INPP5A: variants seen among roughly 807,000 people sequenced by gnomAD.
INPP5A encodes inositol polyphosphate-5-phosphatase A, also known as 43 kDa inositol polyphosphate 5-phophatase.
INPP5A carries 14 observed loss-of-function variants against 65.2 expected under a neutral mutation model. The observed-to-expected ratio is 0.21, with a 90% CI of 0.14 to 0.34. INPP5A has a LOEUF of 0.34. Among genes scored for constraint, INPP5A ranks in the 10% least tolerant of loss-of-function variants. The pLI, the probability that INPP5A is intolerant of heterozygous loss-of-function variation, is 1.00. For missense variants in INPP5A, 431 were observed against 545.6 expected (o/e 0.79, Z 2.09); for synonymous variants, 207 against 208.3 (o/e 0.99, Z 0.05).
In INPP5A at chr10:132,756,305, GTGTA is replaced by G. The variant is rs1285298415; in HGVS notation, c.903+6464_903+6467del. Among the ~76,000 whole-genome samples, 8 of 152,250 alleles carry G rather than the reference GTGTA, an allele frequency of 5.3e-5. No homozygotes were observed. The South Asian group carries it at 1.2e-3, about 24-fold the overall frequency. On this transcript the variant is annotated intron_variant, in intron 11 of 15. Transcript: ENST00000368594. ...GTGTGCATGTGCACTAGTGTGTGTG[GTGTA>G]TGTGTGTATGCATGTGTGCACTCGT... is the stretch of plus-strand genomic sequence containing the variant.
chr10:132,710,168 C>T (rs1316628175), intron 7 of INPP5A, among the ~76,000 whole-genome samples, 169 bp from the exon 8 acceptor site: 2 of 152,252 alleles, frequency 1.3e-5, no homozygotes, highest in African/African-American at 2.4e-5. Context: ...GGTTTCCTGA[C>T]CTCTGGCCTT....
chr10:132,742,247 C>G (rs962660050), intron 9 of INPP5A, among the ~76,000 whole-genome samples: 1 of 152,228 alleles, frequency 6.6e-6, no homozygotes, highest in Non-Finnish European at 1.5e-5. Context: ...AGTCCCACCC[C>G]AAGAACACAC....
chr10:132,553,765 G>A (rs1339000855), intron 1 of INPP5A, among the ~76,000 whole-genome samples: 3 of 147,990 alleles, frequency 2.0e-5, no homozygotes, highest in Non-Finnish European at 4.5e-5. Context: ...GGAATATTGA[G>A]TAGGATAGGG....
At chr10:132,730,607 G>T (rs1846067502) in intron 9 of INPP5A, among the ~76,000 whole-genome samples, 2 of 152,224 alleles carry the variant, frequency 1.3e-5, no homozygotes, top group South Asian at 4.1e-4. Flanking sequence ...CGTCAGAGGT[G>T]ACTATAAGTC....
chr10:132,548,743 C>T (rs751855050), intron 1 of INPP5A, among the ~76,000 whole-genome samples: 5 of 147,420 alleles, frequency 3.4e-5, no homozygotes, highest in African/African-American at 7.5e-5. Context: ...CATAACGCAG[C>T]GTTTCAAGGT....
At chr10:132,763,661 C>A (rs1846775177) in intron 11 of INPP5A, among the ~76,000 whole-genome samples, 2 of 149,662 alleles carry the variant, frequency 1.3e-5, no homozygotes, top group East Asian at 2.0e-4. Context: ...ACACACATGC[C>A]TGTGCACACA....
intron 8 of INPP5A, among the ~76,000 whole-genome samples, chr10:132,719,704 G>C (rs1220191857): frequency 6.0e-5 from 9 of 150,502 alleles, no homozygotes; most frequent in African/African-American, 2.2e-4. Flanking sequence ...TGTGGTACCT[G>C]GGTTCTGTCT....
At chr10:132,570,830 T>G (rs1590837275) in intron 1 of INPP5A, among the ~76,000 whole-genome samples, 1 of 151,882 alleles carries the variant, frequency 6.6e-6, no homozygotes. Flanking sequence ...GAGGTGGGGG[T>G]GTTCTGTGCC....
intron 9 of INPP5A, among the ~76,000 whole-genome samples, chr10:132,748,725 A>G (rs1199201771): frequency 6.6e-6 from 1 of 152,168 alleles, no homozygotes; most frequent in Non-Finnish European, 1.5e-5. Context: ...TGGGAGAGAG[A>G]TCGGCACTCA....
At position 132,777,952 on chromosome 10, in the gene INPP5A, A is replaced by G. The variant is rs1464626062; in HGVS notation, c.1089+170A>G. On this transcript the variant is annotated intron_variant, in intron 13 of 15. Coordinates refer to ENST00000368594, the MANE Select transcript of INPP5A (RefSeq NM_005539.5). ...ATGAGCTGCACCCCAGCATTGGGTCACCTCTGAGCCAGCACCTGGGCTGGG... is the reference window on the plus strand; with the variant it reads ...ATGAGCTGCACCCCAGCATTGGGTCGCCTCTGAGCCAGCACCTGGGCTGGG... The G allele has an allele frequency of 8.4e-6, 12 of 1,434,192 alleles. No homozygotes were observed. The East Asian group carries it at 1.8e-4, about 21-fold the overall frequency. 88.8% of individuals were successfully genotyped at this position (1,434,192 alleles called of 1,614,324 possible). A position where few individuals can be genotyped will look rare whatever the true frequency, so the allele number is the denominator to read the frequency against.
intron 11 of INPP5A, among the ~76,000 whole-genome samples, chr10:132,759,186 C>T (rs562582962): frequency 6.6e-6 from 1 of 152,336 alleles, no homozygotes; most frequent in East Asian, 1.9e-4. Context: ...CTCAGAGCCC[C>T]CAGGGACCAA....
Position 132,731,782 on chromosome 10 carries a change from C to T in INPP5A, c.732+4877C>T, listed in dbSNP as rs1357267410. Among the ~76,000 whole-genome samples the T allele has an allele frequency of 3.3e-5, 5 of 152,204 alleles. No individual in the cohort carries two copies. In the East Asian group the frequency reaches 7.7e-4, roughly 23 times the overall value. Reference sequence around the variant, plus strand: ...TCCAGTGCAGAACTCAGTGTTCACACGAATCGGCAGAAGGAAAGCCGCATG... The same window carrying T: ...TCCAGTGCAGAACTCAGTGTTCACATGAATCGGCAGAAGGAAAGCCGCATG... On this transcript the variant is annotated intron_variant, in intron 9 of 15. Coordinates refer to ENST00000368594, the MANE Select transcript of INPP5A (RefSeq NM_005539.5).
intron 3 of INPP5A, among the ~76,000 whole-genome samples, chr10:132,648,018 G>GTT (rs1564948329): frequency 6.6e-6 from 1 of 151,886 alleles, no homozygotes; most frequent in Non-Finnish European, 1.5e-5. Flanking sequence ...CACTCAAAAT[G>GTT]AAGTCACTCA....
intron 2 of INPP5A, among the ~76,000 whole-genome samples, chr10:132,617,817 T>C (rs1411443566): frequency 6.6e-6 from 1 of 152,384 alleles, no homozygotes; most frequent in Admixed American, 6.5e-5. Flanking sequence ...CCCCATCATA[T>C]GTGTTTGCCT....
chr10:132,756,742 T>C (rs1344133284), intron 11 of INPP5A, among the ~76,000 whole-genome samples: 1 of 152,226 alleles, frequency 6.6e-6, no homozygotes, highest in Non-Finnish European at 1.5e-5. Context: ...AAAAGGTACC[T>C]GTAAACAGCC....
chr10:132,605,987 T>A (rs531109073), intron 1 of INPP5A, among the ~76,000 whole-genome samples: 4 of 152,314 alleles, frequency 2.6e-5, no homozygotes, highest in South Asian at 2.1e-4. Flanking sequence ...GGAAGTCATA[T>A]CCACGGTTTA....
chr10:132,592,962 AC>A (rs1400072499), intron 1 of INPP5A, among the ~76,000 whole-genome samples: 4 of 152,126 alleles, frequency 2.6e-5, no homozygotes, highest in African/African-American at 9.7e-5. Context: ...TGGAGGCCCA[AC>A]TAGGCAGGGC....
intron 5 of INPP5A, among the ~76,000 whole-genome samples, chr10:132,696,495 A>T (rs1200360452): frequency 1.3e-5 from 2 of 152,196 alleles, no homozygotes; most frequent in Admixed American, 1.3e-4. Context: ...GGTGATAAAA[A>T]GAAATGAGCT....
intron 1 of INPP5A, among the ~76,000 whole-genome samples, chr10:132,579,174 C>G (rs2133297021): frequency 6.6e-6 from 1 of 151,620 alleles, no homozygotes; most frequent in East Asian, 2.0e-4. Flanking sequence ...TTGCGGGCTC[C>G]AAGCTGGGCT....
Sources: allele counts gnomAD v4.1 joint callset (sites outside exome capture counted in the v4.1 genomes callset), GRCh38; gene constraint gnomAD v4.1.1; transcripts MANE v1.5; gene names NCBI Gene and HGNC (gene_info 2026-07-23, HGNC 2026-07-21).